The following GCFC2 variants were observed in gnomAD, a reference collection of about 807,000 sequenced individuals.
GCFC2 encodes intron Large complex component GCFC2.
In GCFC2, 102 loss-of-function variants were observed where a neutral mutation model predicts 99.4. The ratio of observed to expected loss-of-function variants is 1.03; its 90% CI spans 0.87 to 1.21. The LOEUF (loss-of-function observed/expected upper bound fraction) is 1.21. GCFC2 is among the 50% of genes most tolerant of loss of function. The pLI is 0.00. For missense variants in GCFC2, 973 were observed against 920.9 expected (o/e 1.06, Z -0.73); for synonymous variants, 338 against 316.8 (o/e 1.07, Z -0.71).
At chr2:75,676,469 T>C (rs1679343108) in intron 12 of GCFC2, among the ~76,000 whole-genome samples, 1 of 151,384 alleles carries the variant, frequency 6.6e-6, no homozygotes, top group Non-Finnish European at 1.5e-5. Context: ...TATCATACTT[T>C]TTTTTTTTTT....
intron 11 of GCFC2, among the ~76,000 whole-genome samples, chr2:75,683,771 C>CAAAAAAAAAAAAAAAAAAAGAAAA: frequency 1.7e-5 from 1 of 60,424 alleles, no homozygotes; most frequent in Non-Finnish European, 3.1e-5. Context: ...AAATGGAAAG[C>CAAAAAAAAAAAAAAAAAAAGAAAA]AAAAAAAAAA....
intron 2 of GCFC2, among the ~76,000 whole-genome samples, chr2:75,703,410 C>T (rs1028497295): frequency 1.6e-4 from 24 of 151,718 alleles, no homozygotes; most frequent in African/African-American, 4.4e-4. Flanking sequence ...TTGAAACAAA[C>T]AAAAAAAGAG....
intron 2 of GCFC2, among the ~76,000 whole-genome samples, chr2:75,705,599 A>G (rs1427349060): frequency 8.9e-6 from 1 of 112,932 alleles, no homozygotes; most frequent in African/African-American, 3.3e-5. Flanking sequence ...CCTGGGCGAC[A>G]GAGTGAGACT....
chr2:75,697,876 A>G (rs1490008016), intron 4 of GCFC2: 1 of 152,468 alleles, frequency 6.6e-6, no homozygotes, highest in African/African-American at 2.4e-5. Context: ...ACCAGAAACT[A>G]GAAGAGTCAA....
rs998584088 is a variant in GCFC2, at chr2:75,690,712, A to G, written c.1152T>C (p.Asp384=). 1 of 1,510,102 alleles carries G rather than the reference A, an allele frequency of 6.6e-7. No homozygotes were observed. Among genetic ancestry groups the G allele is most frequent in the Non-Finnish European group, 9.1e-7 (1 of 1,097,712 alleles). The allele number at this position is 1,510,102 out of a possible 1,614,324, so 93.5% of individuals were successfully genotyped here. A position where few individuals can be genotyped will look rare whatever the true frequency, so the allele number is the denominator to read the frequency against. ...AGAAGTTTCCACTTGTGGATGTCTC[A>G]TCTTTGCCTGTTAATAAATAAAATT... ...STYLQQLSRK[D]ETSTSGNFSV... Residue 384 remains aspartate, a synonymous_variant, in exon 8 of 17, where the codon GAT becomes GAC. Coordinates refer to ENST00000321027, the MANE Select transcript of GCFC2 (RefSeq NM_003203.5).
intron 12 of GCFC2, among the ~76,000 whole-genome samples, chr2:75,676,114 G>A (rs912942250): frequency 2.0e-5 from 3 of 152,146 alleles, no homozygotes; most frequent in Admixed American, 6.5e-5. Context: ...GTGTGTTTGC[G>A]TATCGGATTG....
At chr2:75,704,490 C>G (rs935908272) in intron 2 of GCFC2, among the ~76,000 whole-genome samples, 1 of 152,234 alleles carries the variant, frequency 6.6e-6, no homozygotes, top group Non-Finnish European at 1.5e-5. Context: ...ATTCACTGCG[C>G]TGAACTGTTC....
chr2:75,691,253 T>C (rs1346975582), intron 7 of GCFC2, among the ~76,000 whole-genome samples: 1 of 152,140 alleles, frequency 6.6e-6, no homozygotes, highest in African/African-American at 2.4e-5. Flanking sequence ...ACAATGAAAA[T>C]AATATATTGT....
At chr2:75,688,257 C>T (rs1182308106) in intron 10 of GCFC2, among the ~76,000 whole-genome samples, 8 of 152,136 alleles carry the variant, frequency 5.3e-5, no homozygotes, top group Non-Finnish European at 5.9e-5. Flanking sequence ...TTAGACCCTA[C>T]CACATGGCAA....
At chr2:75,700,501 G>A (rs755387839) in intron 4 of GCFC2, among the ~76,000 whole-genome samples, 1 of 152,046 alleles carries the variant, frequency 6.6e-6, no homozygotes, top group Non-Finnish European at 1.5e-5. Flanking sequence ...AGATGTCTCT[G>A]TTGTATTGTG....
chr2:75,694,298 T>C lies in GCFC2; in HGVS notation c.963A>G (p.Lys321=). 1 of 1,257,396 alleles carries C rather than the reference T, an allele frequency of 8.0e-7. No individual in the cohort carries two copies. The highest frequency in any genetic ancestry group is 2.4e-5 in the East Asian group (1 of 41,808). 77.9% of individuals were successfully genotyped at this position (1,257,396 alleles called of 1,614,324 possible). Residue 321 remains lysine, a synonymous_variant, in exon 6 of 17, where the codon AAA becomes AAG. Transcript: ENST00000321027. ...ESSSNQALNC[K]FYKSMKIYVE... ...CATAAATTTTCATGCTTTTATAGAA[T>C]TTACAATTTAGAGCTTGATTTGATG...
chr2:75,691,866 G>T, intron 7 of GCFC2, 111 bp downstream of exon 7: 1 of 534,382 alleles, frequency 1.9e-6, no homozygotes, highest in Non-Finnish European at 2.8e-6. Context: ...TGGGTAAAGG[G>T]TTTGTGGGAA....
chr2:75,678,664 C>CG (rs1215332744), intron 12 of GCFC2, among the ~76,000 whole-genome samples: 1 of 152,190 alleles, frequency 6.6e-6, no homozygotes, highest in African/African-American at 2.4e-5. Context: ...TAGAGGCAGA[C>CG]TATCCAAGTT....
chr2:75,684,144 A>G (rs1203912534), intron 11 of GCFC2, among the ~76,000 whole-genome samples: 2 of 152,222 alleles, frequency 1.3e-5, no homozygotes, highest in East Asian at 3.8e-4. Context: ...AGACATCTAT[A>G]GAACTCTCCA....
rs1679879914 is a variant in GCFC2, at chr2:75,687,678, T to C, written c.1690+149A>G. The C allele has an allele frequency of 6.1e-6, 4 of 654,124 alleles. No individual in the cohort carries two copies. The Admixed American group carries it at 1.0e-4, about 16-fold the overall frequency. 40.5% of individuals were successfully genotyped at this position (654,124 alleles called of 1,614,324 possible). A position where few individuals can be genotyped will look rare whatever the true frequency, so the allele number is the denominator to read the frequency against. ...ACAAACACAAATTTTTTAACCACCT[T>C]ACATTTGACAGCTGTTGATTTTTAC... On this transcript the variant is annotated intron_variant, in intron 11 of 16. Coordinates refer to ENST00000321027, the MANE Select transcript of GCFC2 (RefSeq NM_003203.5).
chr2:75,694,373 G>C lies in GCFC2; in HGVS notation c.888C>G (p.Tyr296Ter), dbSNP rs147763714. 1 of 1,529,962 alleles carries C rather than the reference G, an allele frequency of 6.5e-7. No homozygotes were observed. The highest frequency in any genetic ancestry group is 2.3e-5 in the East Asian group (1 of 42,940). The allele number at this position is 1,529,962 out of a possible 1,614,324, so 94.8% of individuals were successfully genotyped here. A position where few individuals can be genotyped will look rare whatever the true frequency, so the allele number is the denominator to read the frequency against. The stretch of plus-strand genomic sequence containing the variant: ...TCTTTGAGCTTTTGACATCTTGTAC[G>C]TATTTTTCATACTCCCTCAGGTGTG... The part of the protein sequence containing the change: ...HRSHLREYEK[Y>*]VQDVKSSKST... The change falls in exon 6 of 17, where the codon TAC becomes TAG. Residue 296 changes from tyrosine (Y) to a stop codon, truncating the protein, a stop_gained. Transcript: ENST00000321027. LOFTEE classifies it high-confidence loss of function.
In GCFC2 at chr2:75,682,892, G is replaced by A. The variant is rs559808342; in HGVS notation, c.1691-2578C>T. ...GAAATAAAGCGAGAAGACAAGTTTA[G>A]AGAAAAAAGTGAAAAGAAACAAACA... On this transcript the variant is annotated intron_variant, in intron 11 of 16. Transcript: ENST00000321027. Among the ~76,000 whole-genome samples, 28 of 151,900 alleles carry A rather than the reference G, an allele frequency of 1.8e-4. 1 individual carries two copies. The highest frequency in any genetic ancestry group is 6.6e-4 in the African/African-American group (27 of 41,212).
At chr2:75,705,616 C>CAAA (rs34447327) in intron 2 of GCFC2, among the ~76,000 whole-genome samples, 1,243 of 83,808 alleles carry the variant, frequency 0.015, 81 homozygotes, top group East Asian at 0.04. Context: ...GACTCCATCT[C>CAAA]AAAAAAAAAA....
chr2:75,701,077 T>C lies in GCFC2; in HGVS notation c.717+113A>G, dbSNP rs2104397111. Reference sequence around the variant, plus strand: ...GCTGCCAATACCTTGACTTCAGATTTTGGCCTCCACGCTGTGAGAGAATAA... The same window carrying C: ...GCTGCCAATACCTTGACTTCAGATTCTGGCCTCCACGCTGTGAGAGAATAA... On this transcript the variant is annotated intron_variant, in intron 4 of 16. Coordinates refer to ENST00000321027, the MANE Select transcript of GCFC2 (RefSeq NM_003203.5). The C allele has an allele frequency of 7.8e-6, 5 of 639,810 alleles. No individual in the cohort carries two copies. The East Asian group carries it at 8.3e-5, about 11-fold the overall frequency. 39.6% of individuals were successfully genotyped at this position (639,810 alleles called of 1,614,324 possible).
Sources: allele counts gnomAD v4.1 joint callset (sites outside exome capture counted in the v4.1 genomes callset), GRCh38; gene constraint gnomAD v4.1.1; transcripts MANE v1.5; gene names NCBI Gene and HGNC (gene_info 2026-07-23, HGNC 2026-07-21).